CNTNAP2: variants seen among roughly 807,000 people sequenced by gnomAD.
CNTNAP2 encodes the protein contactin associated protein 2, also known as contactin-associated protein-like 2.
Under a neutral mutation model 155.2 loss-of-function variants are expected in CNTNAP2, and 98 were observed. The observed-to-expected ratio is 0.63, with a 90% confidence interval of 0.54 to 0.75. The LOEUF (loss-of-function observed/expected upper bound fraction) is 0.75. CNTNAP2 is among the 30% of genes least tolerant of loss of function. CNTNAP2 has a pLI of 0.00. For synonymous variants in CNTNAP2, 651 were observed against 631.2 expected, an observed-to-expected ratio of 1.03 and a Z score of -0.47; for missense variants, 1,727 against 1,688.1, an observed-to-expected ratio of 1.02 and a Z score of -0.40.
At chr7:147,359,443 C>T (rs1401177977) in intron 9 of CNTNAP2, among the ~76,000 whole-genome samples, 1 of 152,160 alleles carries the variant, frequency 6.6e-6, no homozygotes, top group Non-Finnish European at 1.5e-5. Context: ...TGGGCAGAAT[C>T]ATCCTTTTTT....
At chr7:147,802,171 C>T (rs535302879) in intron 13 of CNTNAP2, among the ~76,000 whole-genome samples, 17 of 147,808 alleles carry the variant, frequency 1.2e-4, no homozygotes, top group Non-Finnish European at 4.5e-5. Flanking sequence ...TCCTCACATC[C>T]CAGACGGGGC....
chr7:148,313,380 G>A (rs1384197997), intron 21 of CNTNAP2, among the ~76,000 whole-genome samples: 2 of 151,884 alleles, frequency 1.3e-5, no homozygotes, highest in Non-Finnish European at 2.9e-5. Flanking sequence ...AGTTCCAGGG[G>A]CTCTGGGAGT....
intron 10 of CNTNAP2, among the ~76,000 whole-genome samples, chr7:147,482,318 C>T (rs1408025770): frequency 2.0e-5 from 3 of 151,886 alleles, no homozygotes; most frequent in East Asian, 1.9e-4. Context: ...ATATATATGG[C>T]GATAGGGTTT....
At chr7:147,289,203 T>C (rs1285094265) in intron 8 of CNTNAP2, among the ~76,000 whole-genome samples, 2 of 152,142 alleles carry the variant, frequency 1.3e-5, no homozygotes, top group African/African-American at 2.4e-5. Context: ...AGGATTGATA[T>C]TGTCATTTGA....
At chr7:146,136,517 A>G (rs1210374922) in intron 1 of CNTNAP2, among the ~76,000 whole-genome samples, 2 of 152,138 alleles carry the variant, frequency 1.3e-5, no homozygotes, top group African/African-American at 4.8e-5. Context: ...TGCTCTAAGT[A>G]TAGGCATTTC....
intron 15 of CNTNAP2, among the ~76,000 whole-genome samples, chr7:148,108,161 G>A (rs186929635): frequency 3.1e-4 from 47 of 152,302 alleles, no homozygotes; most frequent in Admixed American, 1.1e-3. Flanking sequence ...ACCTGTCTCT[G>A]CTACTCTGCA....
intron 4 of CNTNAP2, 56 bp downstream of exon 4, chr7:147,044,110 G>C: frequency 6.3e-7 from 1 of 1,595,372 alleles, no homozygotes; most frequent in Admixed American, 1.7e-5. Context: ...TAAATAGTAA[G>C]CTGTTTTATT....
intron 21 of CNTNAP2, among the ~76,000 whole-genome samples, chr7:148,364,243 G>T (rs567446772): frequency 6.6e-6 from 1 of 152,368 alleles, no homozygotes; most frequent in South Asian, 2.1e-4. Flanking sequence ...CCCCAGTGCG[G>T]GATCCACTAG....
intron 1 of CNTNAP2, among the ~76,000 whole-genome samples, chr7:146,461,417 T>TATATA (rs1554436612): frequency 6.9e-6 from 1 of 145,104 alleles, no homozygotes; most frequent in African/African-American, 2.6e-5. Context: ...AAAAAAAAAA[T>TATATA]ATAATAATAA....
At chr7:146,957,507 T>C (rs1265233010) in intron 3 of CNTNAP2, among the ~76,000 whole-genome samples, 3 of 152,200 alleles carry the variant, frequency 2.0e-5, no homozygotes, top group Non-Finnish European at 4.4e-5. Flanking sequence ...TAAAAACATG[T>C]TGCAAGCATA....
intron 4 of CNTNAP2, among the ~76,000 whole-genome samples, chr7:147,078,668 C>G (rs1026887122): frequency 6.6e-6 from 1 of 151,976 alleles, no homozygotes; most frequent in Non-Finnish European, 1.5e-5. Flanking sequence ...TATTTGGTAT[C>G]TATCTAATTA....
At chr7:147,555,904 T>G (rs1799943745) in intron 11 of CNTNAP2, among the ~76,000 whole-genome samples, 1 of 152,234 alleles carries the variant, frequency 6.6e-6, no homozygotes, top group Non-Finnish European at 1.5e-5. Flanking sequence ...CCCTACCCTA[T>G]CCATTCTTTA....
chr7:148,207,787 G>A (rs566851853), intron 18 of CNTNAP2, among the ~76,000 whole-genome samples: 7 of 152,272 alleles, frequency 4.6e-5, no homozygotes, highest in African/African-American at 9.6e-5. Context: ...GAGGTAAGAT[G>A]CCCATTGGAG....
chr7:148,065,274 G>C (rs1053388746), intron 15 of CNTNAP2, among the ~76,000 whole-genome samples: 2 of 152,144 alleles, frequency 1.3e-5, no homozygotes, highest in African/African-American at 4.8e-5. Context: ...TGTGGTTGTT[G>C]GGTGGAATGT....
chr7:147,245,761 C>CAAAAAAA (rs34304342), intron 8 of CNTNAP2, among the ~76,000 whole-genome samples: 105 of 85,226 alleles, frequency 1.2e-3, no homozygotes, highest in African/African-American at 4.2e-3. Flanking sequence ...GACTCTGTCT[C>CAAAAAAA]AAAAAAAAAA....
chr7:147,491,542 C>G (rs1371180408), intron 11 of CNTNAP2, among the ~76,000 whole-genome samples: 1 of 152,230 alleles, frequency 6.6e-6, no homozygotes, highest in Non-Finnish European at 1.5e-5. Flanking sequence ...TCTTTCTCCT[C>G]CACTGGTCTC....
intron 22 of CNTNAP2, among the ~76,000 whole-genome samples, chr7:148,405,438 T>TTTTC: frequency 8.0e-6 from 1 of 125,512 alleles, no homozygotes; most frequent in Admixed American, 7.8e-5. Flanking sequence ...TTTTTTTTTT[T>TTTTC]TTTTTTTTGA....
chr7:148,357,771 C>A (rs77859056), intron 21 of CNTNAP2, among the ~76,000 whole-genome samples: 2,969 of 152,274 alleles, frequency 0.019, 93 homozygotes, highest in African/African-American at 0.068. Flanking sequence ...CAACTAAATT[C>A]TTGTATGCAC....
chr7:147,334,308 T>C (rs996106956), intron 9 of CNTNAP2, among the ~76,000 whole-genome samples: 2 of 152,204 alleles, frequency 1.3e-5, no homozygotes, highest in South Asian at 2.1e-4. Flanking sequence ...TCCCTTGACT[T>C]TGCCTTTTCT....
Sources: gnomAD v4.1 joint callset for allele counts (sites outside exome capture counted in the v4.1 genomes callset) on GRCh38, gnomAD v4.1.1 for gene constraint, MANE v1.5 for transcripts, NCBI Gene and HGNC (gene_info 2026-07-23, HGNC 2026-07-21) for gene names.